The following WDR64 variants were observed in gnomAD, a reference collection of about 807,000 sequenced individuals.
The protein encoded by WDR64 is WD repeat-containing protein 64.
A neutral mutation model predicts 139.3 loss-of-function variants in WDR64; 112 were observed. That is an observed-to-expected ratio of 0.80 (90% CI 0.69 to 0.94). The LOEUF is 0.94. WDR64 is among the 40% of genes least tolerant of loss of function. The pLI, the probability that WDR64 is intolerant of heterozygous loss-of-function variation, is 0.00. For synonymous variants in WDR64, 444 were observed against 437.7 expected (o/e 1.01, Z -0.18); for missense variants, 1,206 against 1,293.1 (o/e 0.93, Z 1.03).
intron 25 of WDR64, 26 bp downstream of exon 25, chr1:241,790,722 G>C: frequency 1.1e-6 from 1 of 893,532 alleles, no homozygotes; most frequent in South Asian, 1.8e-5. Context: ...AAAAAAAAAA[G>C]AAATGGCAAC....
chr1:241,665,367 C>T (rs568965519), intron 2 of WDR64, among the ~76,000 whole-genome samples: 7 of 152,138 alleles, frequency 4.6e-5, no homozygotes, highest in Non-Finnish European at 1.0e-4. Flanking sequence ...AAATTCAATT[C>T]GAGGAGACTA....
intron 14 of WDR64, among the ~76,000 whole-genome samples, chr1:241,755,977 G>T (rs527411117): frequency 6.6e-6 from 1 of 152,268 alleles, no homozygotes; most frequent in South Asian, 2.1e-4. Context: ...TTGTAGTATA[G>T]TTCAAAGTCA....
chr1:241,688,366 A>G (rs1042176864), intron 8 of WDR64, among the ~76,000 whole-genome samples: 1 of 152,196 alleles, frequency 6.6e-6, no homozygotes, highest in Non-Finnish European at 1.5e-5. Context: ...TGATTGTTAC[A>G]CAATTCTCTA....
chr1:241,787,737 T>C lies in WDR64; in HGVS notation c.2706-112T>C, dbSNP rs1659089954. 3 of 892,386 alleles carry C rather than the reference T, an allele frequency of 3.4e-6. No individual in the cohort carries two copies. The South Asian group carries it at 6.8e-5, about 20-fold the overall frequency. The allele number at this position is 892,386 out of a possible 1,614,324, so 55.3% of individuals were successfully genotyped here. On this transcript the variant is annotated intron_variant, in intron 23 of 27. Coordinates refer to ENST00000437684, the MANE Select transcript of WDR64 (RefSeq NM_001367482.1). The stretch of plus-strand genomic sequence containing the variant: ...TCATAGAAAGGGTCTTGAACCCAAG[T>C]AAAAAAATCCTTGATGGACCAGCGC...
rs761592728 is a variant in WDR64 at position 241,733,368 on chromosome 1, G to A, written c.1195-4995G>A. Among the ~76,000 whole-genome samples the A allele has an allele frequency of 8.9e-4, 135 of 152,046 alleles. 1 individual carries two copies. Among genetic ancestry groups the A allele is most frequent in the Non-Finnish European group, 4.1e-4 (28 of 67,990 alleles). On this transcript the variant is annotated intron_variant, in intron 10 of 27. Transcript: ENST00000437684. ...CAGGTGCCTGTAATACCAGCTACTC[G>A]GGAAGCTCAGGCTGGAGAATTGCTT...
chr1:241,662,913 T>C (rs78808300), intron 2 of WDR64, among the ~76,000 whole-genome samples: 3,577 of 152,276 alleles, frequency 0.023, 72 homozygotes, highest in Middle Eastern at 0.054. Flanking sequence ...GGAATTGATA[T>C]GTAATCAATT....
rs201760652 is a variant in WDR64, at chr1:241,777,241, C to CT, written c.2536+2040dup. The stretch of plus-strand genomic sequence containing the variant: ...GAGTAGCTAAGACTACAGGTGTATG[C>CT]TTTTTTTTTCCTGTAGAGACAGGTC... On this transcript the variant is annotated intron_variant, in intron 21 of 27. Transcript: ENST00000437684. 9.2e-3 allele frequency among the ~76,000 whole-genome samples: 1,386 copies of CT among 151,142 alleles called. 25 individuals are homozygous for CT. The highest frequency in any genetic ancestry group is 0.032 in the African/African-American group (1,300 of 41,180).
chr1:241,664,704 A>T (rs10754733), intron 2 of WDR64, among the ~76,000 whole-genome samples: 116,309 of 152,056 alleles, frequency 0.76, 44,803 homozygotes, highest in Non-Finnish European at 0.81. Context: ...GTCTTCTTTT[A>T]TTCAAGCACG....
At chr1:241,667,068 G>A (rs1018657614) in intron 2 of WDR64, among the ~76,000 whole-genome samples, 4 of 152,146 alleles carry the variant, frequency 2.6e-5, no homozygotes, top group Admixed American at 6.6e-5. Context: ...AAAGTTAAAC[G>A]ACTGTCTGTA....
chr1:241,754,401 T>C (rs7525789), intron 14 of WDR64, among the ~76,000 whole-genome samples: 111,409 of 146,646 alleles, frequency 0.76, 42,571 homozygotes, highest in Non-Finnish European at 0.8. Context: ...CTCATTGCAA[T>C]CTCTGCCTCC....
intron 21 of WDR64, among the ~76,000 whole-genome samples, chr1:241,778,859 T>C (rs531462751): frequency 2.0e-5 from 3 of 152,166 alleles, no homozygotes; most frequent in Non-Finnish European, 4.4e-5. Flanking sequence ...GAGTTATAAT[T>C]ATCAAATACA....
At chr1:241,686,128 T>C (rs7414398) in intron 7 of WDR64, among the ~76,000 whole-genome samples, 25,748 of 152,162 alleles carry the variant, frequency 0.17, 2,459 homozygotes, top group East Asian at 0.37. Context: ...CATTCAAGAC[T>C]ACGGTGTATA....
In WDR64 at chr1:241,679,488, A is replaced by T; in HGVS notation, c.517A>T (p.Thr173Ser). Reference sequence around the variant, plus strand: ...CAATTCTCTGCTTTTCTATCAGGACACCTCCTGGATTACAGGGTGTGATTA... The same window carrying T: ...CAATTCTCTGCTTTTCTATCAGGACTCCTCCTGGATTACAGGGTGTGATTA... ...RVQTSTNVTD[T>S]SWITGCDYLL... The change falls in exon 6 of 28, where the codon ACC (threonine) becomes TCC (serine). Residue 173 changes from threonine to serine, a missense_variant. By Grantham distance (58) the Thr-to-Ser change is moderately conservative. Transcript: ENST00000437684. The T allele has an allele frequency of 1.3e-6, 2 of 1,551,836 alleles. No homozygotes were observed. The highest frequency in any genetic ancestry group is 1.7e-6 in the Non-Finnish European group (2 of 1,146,790).
In WDR64 at chr1:241,675,038, T is replaced by TCCTTCCTCTCTCCTCCCTCCTTC. The variant is rs140435520; in HGVS notation, c.483+292_483+293insCTTCCTCTCTCCTCCCTCCTTCC. Among the ~76,000 whole-genome samples, 6 of 22,484 alleles carry TCCTTCCTCTCTCCTCCCTCCTTC rather than the reference T, an allele frequency of 2.7e-4. 1 individual carries two copies. Among genetic ancestry groups the TCCTTCCTCTCTCCTCCCTCCTTC allele is most frequent in the Non-Finnish European group, 5.2e-4 (5 of 9,532 alleles). The allele number at this position is 22,484 out of a possible 152,430, so 14.8% of individuals were successfully genotyped here. On this transcript the variant is annotated intron_variant, in intron 4 of 27. Coordinates refer to ENST00000437684, the MANE Select transcript of WDR64 (RefSeq NM_001367482.1). Reference sequence around the variant, plus strand: ...CTTTCTTCTTCCTTCCCTCCCTCCTTCTTCTTTCCTTCCTTTTCTCCCTTC... The same window carrying TCCTTCCTCTCTCCTCCCTCCTTC: ...CTTTCTTCTTCCTTCCCTCCCTCCTTCCTTCCTCTCTCCTCCCTCCTTCCTTCTTTCCTTCCTTTTCTCCCTTC...
chr1:241,725,611 C>T (rs931195446), intron 10 of WDR64, among the ~76,000 whole-genome samples: 2 of 152,144 alleles, frequency 1.3e-5, no homozygotes, highest in African/African-American at 4.8e-5. Flanking sequence ...TGAGGGGTTC[C>T]TCCCAGGCTA....
At position 241,801,343 on chromosome 1, in the gene WDR64, A is replaced by G; in HGVS notation, c.*128A>G. The G allele has an allele frequency of 1.3e-6, 1 of 765,412 alleles. No homozygotes were observed. Among genetic ancestry groups the G allele is most frequent in the Non-Finnish European group, 2.1e-6 (1 of 477,198 alleles). The allele number at this position is 765,412 out of a possible 1,614,324, so 47.4% of individuals were successfully genotyped here. On this transcript the variant is annotated 3_prime_UTR_variant, in exon 28 of 28. Coordinates refer to ENST00000437684, the MANE Select transcript of WDR64 (RefSeq NM_001367482.1). ...GTCATCTCTGGTGTCAGGCCATCCT[A>G]TTGATGGGAAAGATTGCTTAGGGAG...
At chr1:241,755,408 T>A (rs1670149887) in intron 14 of WDR64, among the ~76,000 whole-genome samples, 1 of 152,194 alleles carries the variant, frequency 6.6e-6, no homozygotes, top group Admixed American at 6.5e-5. Flanking sequence ...CACTTGTTAA[T>A]GGGGTTGTTT....
chr1:241,790,794 A>G, intron 25 of WDR64, 98 bp downstream of exon 25: 3 of 853,268 alleles, frequency 3.5e-6, no homozygotes, highest in Non-Finnish European at 5.4e-6. Flanking sequence ...ATAACATATT[A>G]ATTTTTTATT....
chr1:241,786,665 C>G (rs1006366491), intron 23 of WDR64, among the ~76,000 whole-genome samples: 2 of 152,126 alleles, frequency 1.3e-5, no homozygotes, highest in East Asian at 3.9e-4. Flanking sequence ...GCATGAGATC[C>G]CTCCTCCCTT....
Sources: allele counts gnomAD v4.1 joint callset (sites outside exome capture counted in the v4.1 genomes callset), GRCh38; gene constraint gnomAD v4.1.1; transcripts MANE v1.5; gene names NCBI Gene and HGNC (gene_info 2026-07-23, HGNC 2026-07-21).